Variants in MYRFL observed in about 807,000 individuals in gnomAD.
MYRFL encodes the protein myelin regulatory factor like, also known as myelin regulatory factor-like protein.
A neutral mutation model predicts 109.4 loss-of-function variants in MYRFL; 88 were observed. That is an observed-to-expected ratio of 0.80 (90% CI 0.68 to 0.96). The LOEUF (loss-of-function observed/expected upper bound fraction) is 0.96, where lower values mean the gene tolerates loss of function less well. MYRFL is among the 40% of genes least tolerant of loss of function. MYRFL has a pLI of 0.00. For synonymous variants in MYRFL, 324 were observed against 320.9 expected, an observed-to-expected ratio of 1.01 and a Z score of -0.10; for missense variants, 957 against 954.9, an observed-to-expected ratio of 1.00 and a Z score of -0.03.
At chr12:69,864,560 ATTACTC>A (rs912876334) in intron 2 of MYRFL, among the ~76,000 whole-genome samples, 1 of 151,126 alleles carries the variant, frequency 6.6e-6, no homozygotes, top group African/African-American at 2.4e-5. Flanking sequence ...CCTGGCTCTT[ATTACTC>A]TCTGCCAAGA....
chr12:69,893,601 T>C (rs1048701014), intron 7 of MYRFL, among the ~76,000 whole-genome samples, 163 bp from the exon 8 acceptor site: 5 of 152,178 alleles, frequency 3.3e-5, no homozygotes, highest in African/African-American at 1.2e-4. Context: ...GAATACCACG[T>C]TAAGGTAGGG....
chr12:69,866,795 T>C (rs1441414183), intron 2 of MYRFL, among the ~76,000 whole-genome samples: 1 of 152,214 alleles, frequency 6.6e-6, no homozygotes, highest in Admixed American at 6.5e-5. Context: ...GACCAAATGC[T>C]CTATAAAAAA....
At chr12:69,893,922 TTTA>T (rs1450262499) in intron 8 of MYRFL, 82 bp downstream of exon 8, 1 of 396,808 alleles carries the variant, frequency 2.5e-6, no homozygotes, top group Admixed American at 4.9e-5. Context: ...TATAATTTTA[TTTA>T]TTATCTAATA....
At position 69,895,373 on chromosome 12, in the gene MYRFL, T is replaced by C. The variant is rs1368346869; in HGVS notation, c.983T>C (p.Ile328Thr). ...TTTTTTTTTGCTGTTTGTTTTAGAA[T>C]TGACCTACTGGCTGACCAGGTCACC... ...RSKKIFNPVK[I>T]DLLADQVTKV... The change falls in exon 9 of 25, where the codon ATT (isoleucine) becomes ACT (threonine). Residue 328 changes from isoleucine to threonine, a missense_variant and splice_region_variant. Physicochemically the swap from Ile to Thr is moderately conservative, Grantham distance 89 (BLOSUM62 -1). Transcript: ENST00000552032. The C allele has an allele frequency of 6.5e-7, 1 of 1,529,450 alleles. No homozygotes were observed. The highest frequency in any genetic ancestry group is 1.2e-5 in the South Asian group (1 of 83,676). The allele number at this position is 1,529,450 out of a possible 1,614,324, so 94.7% of individuals were successfully genotyped here.
chr12:69,940,234 C>G (rs1272836826), intron 19 of MYRFL, among the ~76,000 whole-genome samples: 2 of 151,014 alleles, frequency 1.3e-5, no homozygotes, highest in Admixed American at 1.3e-4. Flanking sequence ...AAGAGCAACT[C>G]CAAGACACAT....
chr12:69,896,280 A>G (rs1348101985), intron 9 of MYRFL, among the ~76,000 whole-genome samples: 1 of 152,240 alleles, frequency 6.6e-6, no homozygotes, highest in Non-Finnish European at 1.5e-5. Context: ...TAAACTGCTT[A>G]GCCCGGTATA....
intron 19 of MYRFL, among the ~76,000 whole-genome samples, chr12:69,945,399 A>G (rs1955801110): frequency 6.6e-6 from 1 of 152,182 alleles, no homozygotes; most frequent in African/African-American, 2.4e-5. Flanking sequence ...TTCTACATTT[A>G]GAAATATTTA....
At chr12:69,892,506 G>T (rs1322015444) in intron 7 of MYRFL, among the ~76,000 whole-genome samples, 1 of 152,122 alleles carries the variant, frequency 6.6e-6, no homozygotes, top group Non-Finnish European at 1.5e-5. Flanking sequence ...AACTTCCTGG[G>T]CTCAAGCAAT....
chr12:69,864,328 C>A (rs1884878412), intron 2 of MYRFL, among the ~76,000 whole-genome samples: 1 of 151,570 alleles, frequency 6.6e-6, no homozygotes, highest in African/African-American at 2.4e-5. Flanking sequence ...AGGCTCAGTT[C>A]ATTTTTTTTT....
At chr12:69,947,313 A>C (rs1379695274) in intron 19 of MYRFL, among the ~76,000 whole-genome samples, 1 of 152,222 alleles carries the variant, frequency 6.6e-6, no homozygotes, top group Non-Finnish European at 1.5e-5. Flanking sequence ...AGACTATAAT[A>C]AAATAAGTGA....
intron 16 of MYRFL, among the ~76,000 whole-genome samples, chr12:69,932,862 C>T (rs1047206436): frequency 1.5e-4 from 22 of 149,460 alleles, no homozygotes; most frequent in African/African-American, 4.4e-4. Flanking sequence ...CTGTGCCTTT[C>T]GTGTGTGTGT....
At chr12:69,850,022 T>A (rs1037305522) in intron 1 of MYRFL, among the ~76,000 whole-genome samples, 1 of 152,178 alleles carries the variant, frequency 6.6e-6, no homozygotes, top group East Asian at 1.9e-4. Flanking sequence ...TGGGAGATGA[T>A]TGAATCATAG....
chr12:69,930,989 A>G (rs985050526), intron 15 of MYRFL, among the ~76,000 whole-genome samples: 1 of 152,164 alleles, frequency 6.6e-6, no homozygotes, highest in African/African-American at 2.4e-5. Context: ...TTTGAGAGCC[A>G]TTACACTGTT....
chr12:69,864,168 A>G (rs1039030315), intron 2 of MYRFL, among the ~76,000 whole-genome samples: 5 of 152,268 alleles, frequency 3.3e-5, no homozygotes, highest in Admixed American at 2.0e-4. Flanking sequence ...CTCAAATTCG[A>G]ATCTGTAAAT....
At chr12:69,951,158 T>C (rs1442573014) in intron 19 of MYRFL, among the ~76,000 whole-genome samples, 1 of 152,232 alleles carries the variant, frequency 6.6e-6, no homozygotes, top group East Asian at 1.9e-4. Context: ...AGGAGGGATC[T>C]GTGAGCTGCA....
intron 1 of MYRFL, among the ~76,000 whole-genome samples, chr12:69,828,439 A>C (rs996429930): frequency 6.6e-6 from 1 of 152,068 alleles, no homozygotes; most frequent in African/African-American, 2.4e-5. Flanking sequence ...TGGTCCCTTC[A>C]TTAATTAAGT....
At chr12:69,955,699 C>T (rs1448930200) in intron 22 of MYRFL, among the ~76,000 whole-genome samples, 2 of 152,128 alleles carry the variant, frequency 1.3e-5, no homozygotes, top group Non-Finnish European at 2.9e-5. Context: ...GTTTGATACT[C>T]ATAAGCTATA....
intron 7 of MYRFL, among the ~76,000 whole-genome samples, chr12:69,891,434 G>A (rs571453332): frequency 9.5e-4 from 144 of 152,300 alleles, no homozygotes; most frequent in African/African-American, 3.3e-3. Flanking sequence ...CTCAAATGGG[G>A]CTCTAACTGA....
chr12:69,879,977 A>T (rs978846063), intron 4 of MYRFL, among the ~76,000 whole-genome samples: 1 of 152,140 alleles, frequency 6.6e-6, no homozygotes, highest in Non-Finnish European at 1.5e-5. Context: ...CCCTGTCTCA[A>T]TGAGTCCTCT....
Sources: allele counts gnomAD v4.1 joint callset (sites outside exome capture counted in the v4.1 genomes callset), GRCh38; gene constraint gnomAD v4.1.1; transcripts MANE v1.5; gene names NCBI Gene and HGNC (gene_info 2026-07-23, HGNC 2026-07-21).